Variants in CNOT1 observed in about 807,000 individuals in gnomAD.
CNOT1 encodes CCR4-NOT transcription complex subunit 1.
A neutral mutation model predicts 273.8 loss-of-function variants in CNOT1; 15 were observed. That is an observed-to-expected ratio of 0.05 (90% CI 0.04 to 0.08). The LOEUF is 0.08. Among genes scored for constraint, CNOT1 ranks in the 10% least tolerant of loss-of-function variants. The pLI is 1.00. For synonymous variants in CNOT1, 1,022 were observed against 1,005.5 expected (o/e 1.02, Z -0.31); for missense variants, 1,644 against 2,912.2 (o/e 0.56, Z 10.02).
intron 16 of CNOT1, among the ~76,000 whole-genome samples, chr16:58,572,081 C>T (rs554623112): frequency 1.6e-4 from 24 of 151,990 alleles, no homozygotes; most frequent in Non-Finnish European, 3.5e-4. Flanking sequence ...GTCAGGAGTT[C>T]GAGACCTGCC....
chr16:58,541,767 C>G (rs1002209543), intron 33 of CNOT1, 147 bp from the exon 34 acceptor site: 2 of 707,606 alleles, frequency 2.8e-6, no homozygotes, highest in Admixed American at 2.8e-5. Flanking sequence ...CACGCACACA[C>G]AAATGCAGTT....
intron 16 of CNOT1, among the ~76,000 whole-genome samples, chr16:58,568,993 A>T (rs537532060): frequency 6.6e-6 from 1 of 152,238 alleles, no homozygotes; most frequent in East Asian, 1.9e-4. Flanking sequence ...AAATTACAAG[A>T]CTTGTAAAGA....
chr16:58,539,504 C>G (rs1440144282), intron 35 of CNOT1, among the ~76,000 whole-genome samples: 2 of 150,762 alleles, frequency 1.3e-5, no homozygotes, highest in African/African-American at 4.9e-5. Flanking sequence ...GACACACACA[C>G]CCCTCTAAAG....
In CNOT1 at chr16:58,613,439, A is replaced by G. The variant is rs909881071; in HGVS notation, c.-174-13928T>C. Among the ~76,000 whole-genome samples the G allele has an allele frequency of 3.2e-5, 4 of 124,990 alleles. 1 individual carries two copies. Among genetic ancestry groups the G allele is most frequent in the African/African-American group, 1.1e-4 (4 of 37,178 alleles). The allele number at this position is 124,990 out of a possible 152,430, so 82.0% of individuals were successfully genotyped here. A position where few individuals can be genotyped will look rare whatever the true frequency, so the allele number is the denominator to read the frequency against. On this transcript the variant is annotated intron_variant, in intron 1 of 48. Coordinates refer to ENST00000317147, the MANE Select transcript of CNOT1 (RefSeq NM_016284.5). ...GGTATCAATAAGCATCTCCACTCTCACAGAAGTTTTAGGCCCCTAAACCAT... is the reference window on the plus strand; with the variant it reads ...GGTATCAATAAGCATCTCCACTCTCGCAGAAGTTTTAGGCCCCTAAACCAT...
chr16:58,602,577 A>AC (rs1555501312), intron 1 of CNOT1, among the ~76,000 whole-genome samples: 20 of 144,782 alleles, frequency 1.4e-4, no homozygotes, highest in Non-Finnish European at 2.4e-4. Context: ...AAAAAAAAAA[A>AC]CCCATCCATA....
chr16:58,576,264 C>T (rs1459120525), intron 14 of CNOT1, among the ~76,000 whole-genome samples, 199 bp downstream of exon 14: 2 of 152,116 alleles, frequency 1.3e-5, no homozygotes, highest in African/African-American at 4.8e-5. Context: ...GCACGCACTC[C>T]ACGCCCGGCT....
rs2040115642 is a variant in CNOT1 at position 58,542,246 on chromosome 16, C to T, written c.4665G>A (p.Glu1555=). ...VLTYQAERMP[E]QIRLKVGGVD... ...CAATTCTCACTTTCAGCCTGATTTG[C>T]TCTGGCATCCGTTCAGCTTGATATG... is the stretch of plus-strand genomic sequence containing the variant. The change falls in exon 33 of 49, where the codon GAG becomes GAA. Residue 1555 remains glutamate, a synonymous_variant. Transcript: ENST00000317147. 17 of 1,614,124 alleles carry T rather than the reference C, an allele frequency of 1.1e-5. No individual in the cohort carries two copies. Among genetic ancestry groups the T allele is most frequent in the Non-Finnish European group, 1.4e-5 (17 of 1,180,032 alleles).
chr16:58,571,102 A>G (rs1284944047), intron 16 of CNOT1, among the ~76,000 whole-genome samples: 1 of 91,276 alleles, frequency 1.1e-5, no homozygotes, highest in African/African-American at 5.3e-5. Flanking sequence ...TGAGAAAAAC[A>G]AAACAAAACA....
At chr16:58,527,428 G>A (rs2039632359) in intron 44 of CNOT1, among the ~76,000 whole-genome samples, 1 of 152,040 alleles carries the variant, frequency 6.6e-6, no homozygotes, top group African/African-American at 2.4e-5. Context: ...TTGGGAGGCT[G>A]AGGCAGGAGA....
intron 24 of CNOT1, 77 bp downstream of exon 24, chr16:58,551,055 G>A (rs2040434276): frequency 1.0e-5 from 16 of 1,565,158 alleles, no homozygotes; most frequent in Non-Finnish European, 1.4e-5. Context: ...AAGTGAGTAT[G>A]TAAAAGGGCC....
chr16:58,575,680 T>A (rs1257763895), intron 14 of CNOT1, among the ~76,000 whole-genome samples: 1 of 152,050 alleles, frequency 6.6e-6, no homozygotes, highest in Non-Finnish European at 1.5e-5. Flanking sequence ...GCGCCTGTAG[T>A]CCCAGCTACT....
At position 58,594,939 on chromosome 16, in the gene CNOT1, A is replaced by C. The variant is rs543017607; in HGVS notation, c.102+4297T>G. Among the ~76,000 whole-genome samples, 7 of 151,954 alleles carry C rather than the reference A, an allele frequency of 4.6e-5. No homozygotes were observed. In the South Asian group the frequency reaches 6.2e-4, roughly 14 times the overall value. On this transcript the variant is annotated intron_variant, in intron 2 of 48. Coordinates refer to ENST00000317147, the MANE Select transcript of CNOT1 (RefSeq NM_016284.5). ...AGACCGGCCTGGCCAAGATGGTGAA[A>C]CCGTCTCTACTAAAAATACAAAAAA...
chr16:58,531,788 G>C (rs956074476), intron 42 of CNOT1, among the ~76,000 whole-genome samples, 170 bp downstream of exon 42: 9 of 152,316 alleles, frequency 5.9e-5, no homozygotes, highest in Middle Eastern at 3.4e-3. Context: ...ATGGCTTTCA[G>C]GCAGAGGCAG....
chr16:58,599,534 A>G (rs2042388626), intron 1 of CNOT1, 23 bp from the exon 2 acceptor site: 1 of 601,612 alleles, frequency 1.7e-6, no homozygotes, highest in African/African-American at 1.8e-5. Context: ...ACACACACAC[A>G]CAAATCCAGA....
chr16:58,525,367 T>A lies in CNOT1; in HGVS notation c.6604-8A>T. ...CCCAGGTTCATTGGATACCTTAAAATGAGCAAAACAGAACTCCTTATGCTT... is the reference window on the plus strand; with the variant it reads ...CCCAGGTTCATTGGATACCTTAAAAAGAGCAAAACAGAACTCCTTATGCTT... On this transcript the variant is annotated splice_region_variant and splice_polypyrimidine_tract_variant and intron_variant, in intron 45 of 48. Transcript: ENST00000317147. The A allele has an allele frequency of 1.2e-6, 2 of 1,612,146 alleles. No homozygotes were observed. The highest frequency in any genetic ancestry group is 1.7e-6 in the Non-Finnish European group (2 of 1,179,612).
intron 1 of CNOT1, among the ~76,000 whole-genome samples, chr16:58,620,424 T>A (rs774385360): frequency 6.6e-6 from 1 of 152,046 alleles, no homozygotes; most frequent in Non-Finnish European, 1.5e-5. Flanking sequence ...GCAGATCACC[T>A]GAGGTCAGGG....
Position 58,551,122 on chromosome 16 carries a change from G to T in CNOT1, c.3342+10C>A, listed in dbSNP as rs551860840. The T allele has an allele frequency of 1.9e-6, 3 of 1,606,612 alleles. No homozygotes were observed. The highest frequency in any genetic ancestry group is 1.7e-6 in the Non-Finnish European group (2 of 1,178,226). On this transcript the variant is annotated intron_variant, in intron 24 of 48. Transcript: ENST00000317147. Reference sequence around the variant, plus strand: ...AAGAAGGCATTTATAAACTATGACAGCATGCTCACCTTTTGTGTCATATTT... The same window carrying T: ...AAGAAGGCATTTATAAACTATGACATCATGCTCACCTTTTGTGTCATATTT...
At chr16:58,598,492 C>A (rs1173910312) in intron 2 of CNOT1, among the ~76,000 whole-genome samples, 1 of 151,590 alleles carries the variant, frequency 6.6e-6, no homozygotes, top group Non-Finnish European at 1.5e-5. Flanking sequence ...TCACTTGAAC[C>A]CAGGACAAGG....
At position 58,576,627 on chromosome 16, in the gene CNOT1, G is replaced by T. The variant is rs573055276; in HGVS notation, c.1585-45C>A. 14 of 1,610,434 alleles carry T rather than the reference G, an allele frequency of 8.7e-6. No homozygotes were observed. The East Asian group carries it at 3.1e-4, about 36-fold the overall frequency. ...TTAAATAGCAATACTGCTAAACACT[G>T]TGATAGATATTATTACAAATGCCCA... On this transcript the variant is annotated intron_variant, in intron 13 of 48. Transcript: ENST00000317147.
Sources: gnomAD v4.1 joint callset for allele counts (sites outside exome capture counted in the v4.1 genomes callset) on GRCh38, gnomAD v4.1.1 for gene constraint, MANE v1.5 for transcripts, NCBI Gene and HGNC (gene_info 2026-07-23, HGNC 2026-07-21) for gene names.